The following RNF138 variants were observed in gnomAD, a reference collection of about 807,000 sequenced individuals.
RNF138 encodes the protein ring finger protein 138.
A neutral mutation model predicts 31.0 loss-of-function variants in RNF138; 12 were observed. The ratio of observed to expected loss-of-function variants is 0.39; its 90% CI spans 0.25 to 0.63. The LOEUF (loss-of-function observed/expected upper bound fraction) is 0.63. RNF138 is among the 20% of genes least tolerant of loss of function. The pLI, the probability that RNF138 is intolerant of heterozygous loss-of-function variation, is 0.52. For missense variants in RNF138, 192 were observed against 300.1 expected (o/e 0.64, Z 2.66); for synonymous variants, 105 against 99.5 (o/e 1.06, Z -0.33).
chr18:32,110,146 C>A (rs2144593290), intron 2 of RNF138, among the ~76,000 whole-genome samples: 1 of 152,120 alleles, frequency 6.6e-6, no homozygotes, highest in South Asian at 2.1e-4. Context: ...CTACTATACC[C>A]AGCTAATTTT....
At chr18:32,116,975 C>T (rs1326509558) in intron 4 of RNF138, among the ~76,000 whole-genome samples, 1 of 152,168 alleles carries the variant, frequency 6.6e-6, no homozygotes, top group Admixed American at 6.5e-5. Context: ...GATCTCAGCT[C>T]ACTACAACAT....
chr18:32,092,499 A>T, intron 1 of RNF138: 1 of 422,672 alleles, frequency 2.4e-6, no homozygotes, highest in Non-Finnish European at 4.3e-6. Context: ...GGCCCACGGC[A>T]TGCTGCGAGC....
intron 2 of RNF138, among the ~76,000 whole-genome samples, chr18:32,102,043 ATTT>A (rs551714071): frequency 7.5e-6 from 1 of 133,360 alleles, no homozygotes; most frequent in Middle Eastern, 4.3e-3. Context: ...TGCCTGGCTG[ATTT>A]TTTTTTTTTT....
At chr18:32,108,362 T>A (rs2040071722) in intron 2 of RNF138, among the ~76,000 whole-genome samples, 1 of 152,138 alleles carries the variant, frequency 6.6e-6, no homozygotes, top group Admixed American at 6.5e-5. Context: ...GATACCATTA[T>A]CCTGACCTTT....
chr18:32,129,398 G>A lies in RNF138; in HGVS notation c.*211G>A, dbSNP rs2040436986. On this transcript the variant is annotated 3_prime_UTR_variant, in exon 8 of 8. Transcript: ENST00000261593. ...AAGTTATGACATTAGCTTTAAAGGT[G>A]TAAAAAAGATGTTTCACTAATGTAA... is the stretch of plus-strand genomic sequence containing the variant. 6.7e-6 allele frequency: 3 copies of A among 444,738 alleles called. No homozygotes were observed. In the South Asian group the frequency reaches 1.4e-4, roughly 21 times the overall value. 27.5% of individuals were successfully genotyped at this position (444,738 alleles called of 1,614,324 possible).
chr18:32,092,931 A>G (rs763654098), intron 2 of RNF138, 45 bp downstream of exon 2: 22 of 1,181,520 alleles, frequency 1.9e-5, no homozygotes, highest in Non-Finnish European at 2.3e-6. Flanking sequence ...GTTGTCGCTT[A>G]GGCCCGGCCT....
At chr18:32,104,287 A>G (rs533723417) in intron 2 of RNF138, among the ~76,000 whole-genome samples, 2 of 152,070 alleles carry the variant, frequency 1.3e-5, no homozygotes, top group Non-Finnish European at 2.9e-5. Flanking sequence ...GGCTGAGATT[A>G]CATGCATAAG....
Position 32,126,815 on chromosome 18 carries a change from C to T in RNF138, c.669+15C>T, listed in dbSNP as rs1307928315. ...GAGAATTTGTGGTAAGTGAATTCTT[C>T]AAGATTAAGAAAGTACTGTTTAAAT... On this transcript the variant is annotated intron_variant, in intron 7 of 7. Coordinates refer to ENST00000261593, the MANE Select transcript of RNF138 (RefSeq NM_016271.5). The T allele has an allele frequency of 7.1e-7, 1 of 1,399,130 alleles. No homozygotes were observed. The highest frequency in any genetic ancestry group is 1.7e-5 in the Admixed American group (1 of 59,014). 86.7% of individuals were successfully genotyped at this position (1,399,130 alleles called of 1,614,324 possible). A position where few individuals can be genotyped will look rare whatever the true frequency, so the allele number is the denominator to read the frequency against.
chr18:32,120,448 AAAGC>A (rs1385667831), intron 4 of RNF138, among the ~76,000 whole-genome samples: 2 of 152,244 alleles, frequency 1.3e-5, no homozygotes, highest in Non-Finnish European at 2.9e-5. Flanking sequence ...ATTAAATTAA[AAAGC>A]AAGACATAAC....
intron 2 of RNF138, among the ~76,000 whole-genome samples, chr18:32,102,492 T>C (rs2039961246): frequency 6.6e-6 from 1 of 152,118 alleles, no homozygotes; most frequent in Non-Finnish European, 1.5e-5. Flanking sequence ...TGAGCCACTG[T>C]GCCTGGCCCT....
At chr18:32,095,465 C>T (rs544098581) in intron 2 of RNF138, among the ~76,000 whole-genome samples, 2 of 152,242 alleles carry the variant, frequency 1.3e-5, no homozygotes, top group East Asian at 3.9e-4. Flanking sequence ...AGGCATGGCA[C>T]CTGACCTGTT....
chr18:32,101,645 G>A (rs1305977455), intron 2 of RNF138, among the ~76,000 whole-genome samples: 2 of 151,998 alleles, frequency 1.3e-5, no homozygotes, highest in African/African-American at 4.8e-5. Flanking sequence ...TATTATGTAC[G>A]CAATAAGTGT....
intron 2 of RNF138, among the ~76,000 whole-genome samples, chr18:32,105,766 C>T (rs1429837479): frequency 1.3e-5 from 2 of 152,178 alleles, no homozygotes; most frequent in Non-Finnish European, 2.9e-5. Context: ...CGGAAGACCA[C>T]AAGCAGCAAG....
intron 4 of RNF138, among the ~76,000 whole-genome samples, chr18:32,119,460 T>C (rs2144268376): frequency 6.6e-6 from 1 of 152,260 alleles, no homozygotes; most frequent in South Asian, 2.1e-4. Context: ...AGTCTAACTC[T>C]GTCTCTCAGG....
At chr18:32,110,459 T>C (rs566498741) in intron 2 of RNF138, among the ~76,000 whole-genome samples, 1 of 152,222 alleles carries the variant, frequency 6.6e-6, no homozygotes, top group Non-Finnish European at 1.5e-5. Context: ...TTGTAGATAC[T>C]TTTATTATTT....
intron 2 of RNF138, among the ~76,000 whole-genome samples, chr18:32,111,437 C>T (rs765181511): frequency 5.9e-5 from 9 of 152,136 alleles, no homozygotes; most frequent in South Asian, 2.1e-4. Flanking sequence ...AGCCAGGATC[C>T]GGTTTTTCCT....
chr18:32,116,009 G>A (rs989158432), intron 4 of RNF138, among the ~76,000 whole-genome samples: 1 of 152,164 alleles, frequency 6.6e-6, no homozygotes, highest in Non-Finnish European at 1.5e-5. Flanking sequence ...GTATTACATT[G>A]TCAAGAAACT....
chr18:32,112,548 G>C (rs1225283863), intron 3 of RNF138, among the ~76,000 whole-genome samples: 1 of 152,148 alleles, frequency 6.6e-6, no homozygotes, highest in African/African-American at 2.4e-5. Context: ...AGCCAGGTGT[G>C]GTGGCGCATG....
chr18:32,125,363 T>A (rs1403903600), intron 6 of RNF138: 1 of 152,548 alleles, frequency 6.6e-6, no homozygotes, highest in African/African-American at 2.4e-5. Flanking sequence ...TGAGGGTATG[T>A]AAGAAAATGG....
Sources: gnomAD v4.1 joint callset for allele counts (sites outside exome capture counted in the v4.1 genomes callset) on GRCh38, gnomAD v4.1.1 for gene constraint, MANE v1.5 for transcripts, NCBI Gene and HGNC (gene_info 2026-07-23, HGNC 2026-07-21) for gene names.